The following ZNF407 variants were observed in gnomAD, a reference collection of about 807,000 sequenced individuals.
ZNF407 encodes the protein zinc finger protein 407.
ZNF407 carries 17 observed loss-of-function variants against 131.2 expected under a neutral mutation model. That is an observed-to-expected ratio of 0.13 (90% CI 0.09 to 0.19). The LOEUF is 0.19. Ranked by LOEUF, ZNF407 falls within the 10% of genes least tolerant of loss-of-function variation. The pLI is 1.00. For synonymous variants in ZNF407, 1,156 were observed against 1,062.0 expected, an observed-to-expected ratio of 1.09 and a Z score of -1.72; for missense variants, 2,681 against 2,830.6, an observed-to-expected ratio of 0.95 and a Z score of 1.20.
intron 3 of ZNF407, among the ~76,000 whole-genome samples, chr18:74,739,253 G>A (rs1968492605): frequency 6.6e-6 from 1 of 151,526 alleles, no homozygotes; most frequent in South Asian, 2.1e-4. Flanking sequence ...GGAGTGCTTA[G>A]AACTTTTGCT....
At chr18:74,908,681 T>A (rs1971627981) in intron 7 of ZNF407, among the ~76,000 whole-genome samples, 1 of 152,234 alleles carries the variant, frequency 6.6e-6, no homozygotes, top group African/African-American at 2.4e-5. Flanking sequence ...TCTAAAATTA[T>A]CAGACTCTTT....
At chr18:74,921,616 A>G (rs1971847690) in intron 8 of ZNF407, among the ~76,000 whole-genome samples, 1 of 152,122 alleles carries the variant, frequency 6.6e-6, no homozygotes, top group Non-Finnish European at 1.5e-5. Flanking sequence ...CCCATACGTA[A>G]ATCTGCATGA....
intron 4 of ZNF407, among the ~76,000 whole-genome samples, chr18:74,859,073 A>G (rs1970900613): frequency 6.6e-6 from 1 of 152,190 alleles, no homozygotes; most frequent in African/African-American, 2.4e-5. Context: ...GTGTACGGTT[A>G]TGAAGTGTGG....
At chr18:74,996,263 G>A (rs1004056741) in intron 8 of ZNF407, among the ~76,000 whole-genome samples, 4 of 152,140 alleles carry the variant, frequency 2.6e-5, no homozygotes, top group African/African-American at 4.8e-5. Flanking sequence ...TTTTGAGGCT[G>A]TAAAATGATG....
At chr18:74,735,549 A>G (rs1032834238) in intron 3 of ZNF407, among the ~76,000 whole-genome samples, 11 of 152,210 alleles carry the variant, frequency 7.2e-5, no homozygotes, top group African/African-American at 2.7e-4. Flanking sequence ...AGCAGAGGGT[A>G]TGGCCTGTTT....
chr18:74,982,806 A>G (rs1478473599), intron 8 of ZNF407, among the ~76,000 whole-genome samples: 3 of 152,248 alleles, frequency 2.0e-5, no homozygotes, highest in Non-Finnish European at 4.4e-5. Flanking sequence ...AATAAAAAAG[A>G]AACTTTTATC....
rs188236169 is a variant in ZNF407, at chr18:74,608,831, T to C, written c.-54+10894T>C. On this transcript the variant is annotated intron_variant, in intron 1 of 8. Transcript: ENST00000299687. ...ATCATGTCCTTCTCAGTGCATCATATGAGGAGGTATGTGATATAGATATGT... is the reference window on the plus strand; with the variant it reads ...ATCATGTCCTTCTCAGTGCATCATACGAGGAGGTATGTGATATAGATATGT... 9.2e-5 allele frequency among the ~76,000 whole-genome samples: 14 copies of C among 152,312 alleles called. No individual in the cohort carries two copies. In the East Asian group the frequency reaches 2.3e-3, roughly 25 times the overall value.
intron 8 of ZNF407, among the ~76,000 whole-genome samples, chr18:75,057,296 T>C (rs992102153): frequency 3.3e-5 from 5 of 152,196 alleles, no homozygotes; most frequent in African/African-American, 1.2e-4. Context: ...TTGTAGGCAT[T>C]AGGCATCTCA....
intron 8 of ZNF407, among the ~76,000 whole-genome samples, chr18:74,952,348 G>C (rs1031019384): frequency 1.3e-5 from 2 of 152,168 alleles, no homozygotes; most frequent in African/African-American, 4.8e-5. Flanking sequence ...ACAGCCCCTG[G>C]TGCTGCGCTG....
intron 4 of ZNF407, among the ~76,000 whole-genome samples, chr18:74,806,415 T>C (rs566477483): frequency 6.6e-6 from 1 of 152,056 alleles, no homozygotes; most frequent in Admixed American, 6.6e-5. Context: ...CAATGGGGGG[T>C]TGTAGGAGGA....
intron 3 of ZNF407, among the ~76,000 whole-genome samples, chr18:74,712,472 T>G (rs1326846370): frequency 6.6e-6 from 1 of 152,226 alleles, no homozygotes; most frequent in African/African-American, 2.4e-5. Context: ...TGTGCTTTGG[T>G]TAGTCCTTTT....
rs758285489 is a variant in ZNF407 at position 74,634,763 on chromosome 18, C to A, written c.3744C>A (p.His1248Gln). 6.2e-7 allele frequency: 1 copy of A among 1,614,044 alleles called. No individual in the cohort carries two copies. The highest frequency in any genetic ancestry group is 8.5e-7 in the Non-Finnish European group (1 of 1,179,912). Residue 1248 changes from histidine (H) to glutamine (Q), a missense_variant, in exon 2 of 9, where the codon CAC becomes CAA. Coordinates refer to ENST00000299687, the MANE Select transcript of ZNF407 (RefSeq NM_017757.3). ...GTGGAGGTGTTGTCCCCCACAGACA[C>A]CTGTGCCCTGTGACGCTCGATGGGG... is the stretch of plus-strand genomic sequence containing the variant. ...GDGGGVVPHR[H>Q]LCPVTLDGER...
At chr18:74,928,613 G>A (rs1453857655) in intron 8 of ZNF407, among the ~76,000 whole-genome samples, 2 of 152,174 alleles carry the variant, frequency 1.3e-5, no homozygotes, top group Non-Finnish European at 2.9e-5. Context: ...TATAAGACCT[G>A]CTATCTGTCA....
chr18:74,778,094 C>T (rs778737840), intron 3 of ZNF407, among the ~76,000 whole-genome samples: 6 of 152,168 alleles, frequency 3.9e-5, no homozygotes, highest in Non-Finnish European at 8.8e-5. Context: ...GTTCAGATGC[C>T]TGAGATGGCT....
At chr18:74,905,113 T>G (rs538779414) in intron 7 of ZNF407, among the ~76,000 whole-genome samples, 6 of 152,356 alleles carry the variant, frequency 3.9e-5, no homozygotes, top group Admixed American at 1.3e-4. Context: ...ATATCCTCGT[T>G]GAGGGCATGA....
intron 8 of ZNF407, among the ~76,000 whole-genome samples, chr18:74,956,961 A>G (rs116576601): frequency 0.011 from 1,650 of 152,274 alleles, 32 homozygotes; most frequent in African/African-American, 0.037. Context: ...AGACTGGGAT[A>G]CTCATGTCAG....
At chr18:75,041,886 A>G (rs1163522014) in intron 8 of ZNF407, among the ~76,000 whole-genome samples, 2 of 152,234 alleles carry the variant, frequency 1.3e-5, no homozygotes, top group East Asian at 3.8e-4. Flanking sequence ...ACAAATGTCA[A>G]TACAGACATC....
At chr18:74,785,894 CTCACATGGGACACACATG>C (rs1473989831) in intron 4 of ZNF407, among the ~76,000 whole-genome samples, 7 of 151,200 alleles carry the variant, frequency 4.6e-5, no homozygotes, top group African/African-American at 9.8e-5. Flanking sequence ...GCACATGGCA[CTCACATGGGACACACATG>C]TCACATGGCA....
intron 3 of ZNF407, among the ~76,000 whole-genome samples, chr18:74,706,391 A>C (rs200681640): frequency 6.6e-6 from 1 of 152,224 alleles, no homozygotes; most frequent in East Asian, 1.9e-4. Flanking sequence ...TGCAATTGAC[A>C]ATGATTGCCT....
Sources: allele counts gnomAD v4.1 joint callset (sites outside exome capture counted in the v4.1 genomes callset), GRCh38; gene constraint gnomAD v4.1.1; transcripts MANE v1.5; gene names NCBI Gene and HGNC (gene_info 2026-07-23, HGNC 2026-07-21).